FUT4: variants seen among roughly 807,000 people sequenced by gnomAD.
FUT4 encodes the protein fucosyltransferase 4.
A neutral mutation model predicts 3.8 loss-of-function variants in FUT4; 1 was observed. The ratio of observed to expected loss-of-function variants is 0.26; its 90% CI spans 0.09 to 1.25. FUT4 has a LOEUF of 1.25. Ranked by LOEUF, FUT4 falls within the 50% of genes most tolerant of loss-of-function variation. FUT4 has a pLI of 0.47. For missense variants in FUT4, 880 were observed against 768.2 expected (o/e 1.15, Z -1.72); for synonymous variants, 417 against 355.3 (o/e 1.17, Z -1.95).
chr11:94,545,601 C>A lies in FUT4; in HGVS notation c.1468C>A (p.Arg490=). ...CTATCGCCGCTACTTCCACTGGCGCCGGAGCTACGCTGTCCACATCACCTC... is the reference window on the plus strand; with the variant it reads ...CTATCGCCGCTACTTCCACTGGCGCAGGAGCTACGCTGTCCACATCACCTC... ...AVYRRYFHWR[R]SYAVHITSFW... Residue 490 remains arginine, a synonymous_variant, in exon 1 of 1, where the codon CGG becomes AGG. Coordinates refer to ENST00000358752, the MANE Select transcript of FUT4 (RefSeq NM_002033.4). The A allele has an allele frequency of 6.2e-7, 1 of 1,613,494 alleles. No homozygotes were observed. The highest frequency in any genetic ancestry group is 8.5e-7 in the Non-Finnish European group (1 of 1,180,050).
Position 94,544,747 on chromosome 11 carries a change from C to G in FUT4, c.614C>G (p.Pro205Arg), listed in dbSNP as rs1244316725. The G allele has an allele frequency of 3.2e-6, 5 of 1,563,298 alleles. No homozygotes were observed. Among genetic ancestry groups the G allele is most frequent in the Non-Finnish European group, 4.3e-6 (5 of 1,163,436 alleles). The change falls in exon 1 of 1, where the codon CCG becomes CGG. Residue 205 changes from proline to arginine, a missense_variant. Around this residue, in one of 3 missense-constraint regions of FUT4, gnomAD observed 447 missense variants for 339.5 expected, o/e 1.32. Coordinates refer to ENST00000358752, the MANE Select transcript of FUT4 (RefSeq NM_002033.4). ...WEPFGGRDSAPRPPPDCRLRF... is the reference protein window; with the variant it reads ...WEPFGGRDSARRPPPDCRLRF... ...CCCTTCGGGGGGCGCGATAGCGCCC[C>G]GAGGCCGCCCCCTGACTGCCGGCTG...
rs903930071 is a variant in FUT4, at chr11:94,544,097, G to T, written c.-37G>T. 2.2e-6 allele frequency: 3 copies of T among 1,364,598 alleles called. No homozygotes were observed. Among genetic ancestry groups the T allele is most frequent in the African/African-American group, 1.5e-5 (1 of 65,040 alleles). 84.5% of individuals were successfully genotyped at this position (1,364,598 alleles called of 1,614,324 possible). A position where few individuals can be genotyped will look rare whatever the true frequency, so the allele number is the denominator to read the frequency against. ...CCAGGGCGGTGGGCGCGCGCAGAGG[G>T]AAACCGGATCAGTTGAGAGAGAATC... On this transcript the variant is annotated 5_prime_UTR_variant, in exon 1 of 1. Transcript: ENST00000358752.
chr11:94,548,196 GAACT>G lies in FUT4; in HGVS notation c.*2474_*2477del, dbSNP rs1947885881. Reference sequence around the variant, plus strand: ...TTTTTTTTAGTATTAAGTCCATTTAGAACTAACCATATTATTTATGGAATAATTA... The same window carrying G: ...TTTTTTTTAGTATTAAGTCCATTTAGAACCATATTATTTATGGAATAATTA... On this transcript the variant is annotated 3_prime_UTR_variant, in exon 1 of 1. Coordinates refer to ENST00000358752, the MANE Select transcript of FUT4 (RefSeq NM_002033.4). 2 of 165,244 alleles carry G rather than the reference GAACT, an allele frequency of 1.2e-5. No homozygotes were observed. Among genetic ancestry groups the G allele is most frequent in the African/African-American group, 4.9e-5 (2 of 41,070 alleles). 10.2% of individuals were successfully genotyped at this position (165,244 alleles called of 1,614,324 possible). A position where few individuals can be genotyped will look rare whatever the true frequency, so the allele number is the denominator to read the frequency against.
chr11:94,544,501 T>C lies in FUT4; in HGVS notation c.368T>C (p.Val123Ala). ...DAWRAEAALP[V>A]RAMGAPWGSP... ...TGGCGAGCGGAGGCAGCGCTGCCTGTTCGCGCCATGGGGGCACCGTGGGGC... is the reference window on the plus strand; with the variant it reads ...TGGCGAGCGGAGGCAGCGCTGCCTGCTCGCGCCATGGGGGCACCGTGGGGC... Residue 123 changes from valine (V) to alanine (A), a missense_variant, in exon 1 of 1, where the codon GTT becomes GCT. Physicochemically the swap from Val to Ala is moderately conservative, Grantham distance 64. Around this residue, in one of 3 missense-constraint regions of FUT4, gnomAD observed 447 missense variants for 339.5 expected, o/e 1.32. Transcript: ENST00000358752. 2 of 1,460,160 alleles carry C rather than the reference T, an allele frequency of 1.4e-6. No homozygotes were observed. Among genetic ancestry groups the C allele is most frequent in the East Asian group, 6.0e-5 (2 of 33,222 alleles). The allele number at this position is 1,460,160 out of a possible 1,614,324, so 90.5% of individuals were successfully genotyped here. A position where few individuals can be genotyped will look rare whatever the true frequency, so the allele number is the denominator to read the frequency against.
In FUT4 at chr11:94,548,051, TCAC is replaced by T. The variant is rs1349444350; in HGVS notation, c.*2328_*2330del. ...GAATAAATTAAAAGGATAATCTAAA[TCAC>T]CATTTAGATTAAGCTTGACTTGCAA... is the stretch of plus-strand genomic sequence containing the variant. On this transcript the variant is annotated 3_prime_UTR_variant, in exon 1 of 1. Coordinates refer to ENST00000358752, the MANE Select transcript of FUT4 (RefSeq NM_002033.4). 6.0e-6 allele frequency: 1 copy of T among 166,796 alleles called. No homozygotes were observed. The highest frequency in any genetic ancestry group is 1.5e-5 in the Non-Finnish European group (1 of 68,112). The allele number at this position is 166,796 out of a possible 1,614,324, so 10.3% of individuals were successfully genotyped here.
Position 94,545,770 on chromosome 11 carries a change from A to C in FUT4, c.*44A>C. ...GCGACCCAGGGGAGGCCAAGTTGTCAGCTTTTTGATCCTCTACTGTGCATC... is the reference window on the plus strand; with the variant it reads ...GCGACCCAGGGGAGGCCAAGTTGTCCGCTTTTTGATCCTCTACTGTGCATC... On this transcript the variant is annotated 3_prime_UTR_variant, in exon 1 of 1. Coordinates refer to ENST00000358752, the MANE Select transcript of FUT4 (RefSeq NM_002033.4). 6.4e-7 allele frequency: 1 copy of C among 1,572,820 alleles called. No homozygotes were observed. The highest frequency in any genetic ancestry group is 8.6e-7 in the Non-Finnish European group (1 of 1,159,048).
Position 94,545,451 on chromosome 11 carries a change from C to G in FUT4, c.1318C>G (p.Leu440Val). Residue 440 changes from leucine to valine, a missense_variant, in exon 1 of 1, where the codon CTG (leucine) becomes GTG (valine). Leu to Val is a conservative substitution (Grantham distance 32, BLOSUM62 1). Coordinates refer to ENST00000358752, the MANE Select transcript of FUT4 (RefSeq NM_002033.4). ...ALLAGAVPVV[L>V]GPDRANYERF... is the part of the protein sequence containing the mutation. Reference sequence around the variant, plus strand: ...GCTCGCTGGGGCGGTGCCGGTGGTGCTGGGCCCAGACCGTGCCAACTACGA... The same window carrying G: ...GCTCGCTGGGGCGGTGCCGGTGGTGGTGGGCCCAGACCGTGCCAACTACGA... 1.1e-5 allele frequency: 17 copies of G among 1,613,308 alleles called. No homozygotes were observed. The highest frequency in any genetic ancestry group is 1.4e-5 in the Non-Finnish European group (17 of 1,179,806).
Position 94,545,867 on chromosome 11 carries a change from A to T in FUT4, c.*141A>T. On this transcript the variant is annotated 3_prime_UTR_variant, in exon 1 of 1. Coordinates refer to ENST00000358752, the MANE Select transcript of FUT4 (RefSeq NM_002033.4). ...TTGCTCTATGGGAAAAAAACGATTT[A>T]CCAATTAATATTACTCAGCACAGAG... The T allele has an allele frequency of 9.6e-7, 1 of 1,040,442 alleles. No homozygotes were observed. 64.5% of individuals were successfully genotyped at this position (1,040,442 alleles called of 1,614,324 possible).
rs146378578 is a variant in FUT4, at chr11:94,545,559, G to T, written c.1426G>T (p.Asp476Tyr). The T allele has an allele frequency of 6.2e-7, 1 of 1,613,524 alleles. No individual in the cohort carries two copies. Among genetic ancestry groups the T allele is most frequent in the Non-Finnish European group, 8.5e-7 (1 of 1,180,004 alleles). The change falls in exon 1 of 1, where the codon GAC (aspartate) becomes TAC (tyrosine). Residue 476 changes from aspartate to tyrosine, a missense_variant. Physicochemically the swap from Asp to Tyr is radical, Grantham distance 160 (BLOSUM62 -3). Transcript: ENST00000358752. ...CCTGGCCTCGTACCTGCTTTTCCTC[G>T]ACCGCAACCCCGCGGTCTATCGCCG... ...SSLASYLLFLDRNPAVYRRYF... is the reference protein window; with the variant it reads ...SSLASYLLFLYRNPAVYRRYF...
In FUT4 at chr11:94,548,840, C is replaced by T. The variant is rs1489693697; in HGVS notation, c.*3114C>T. ...AATGCACCTGGAATGACATTTGTAA[C>T]AGAAGACGGTCTGACTTGCTTTCAG... On this transcript the variant is annotated 3_prime_UTR_variant, in exon 1 of 1. Transcript: ENST00000358752. 1 of 166,970 alleles carries T rather than the reference C, an allele frequency of 6.0e-6. No homozygotes were observed. The highest frequency in any genetic ancestry group is 1.5e-5 in the Non-Finnish European group (1 of 68,116). 10.3% of individuals were successfully genotyped at this position (166,970 alleles called of 1,614,324 possible).
Position 94,547,945 on chromosome 11 carries a change from C to T in FUT4, c.*2219C>T, listed in dbSNP as rs542045238. On this transcript the variant is annotated 3_prime_UTR_variant, in exon 1 of 1. Coordinates refer to ENST00000358752, the MANE Select transcript of FUT4 (RefSeq NM_002033.4). ...AGGCACCCAATTGATGATTTTATATCTTCCTTCTTTGCTTGCAGTGATTTC... is the reference window on the plus strand; with the variant it reads ...AGGCACCCAATTGATGATTTTATATTTTCCTTCTTTGCTTGCAGTGATTTC... 6 of 167,074 alleles carry T rather than the reference C, an allele frequency of 3.6e-5. No individual in the cohort carries two copies. The highest frequency in any genetic ancestry group is 2.1e-4 in the South Asian group (1 of 4,822). 10.3% of individuals were successfully genotyped at this position (167,074 alleles called of 1,614,324 possible). A position where few individuals can be genotyped will look rare whatever the true frequency, so the allele number is the denominator to read the frequency against.
Position 94,545,025 on chromosome 11 carries a change from G to T in FUT4, c.892G>T (p.Glu298Ter). The T allele has an allele frequency of 6.2e-7, 1 of 1,609,986 alleles. No individual in the cohort carries two copies. Among genetic ancestry groups the T allele is most frequent in the Non-Finnish European group, 8.5e-7 (1 of 1,178,034 alleles). The change falls in exon 1 of 1, where the codon GAG (glutamate) becomes TAG (stop). Residue 298 changes from glutamate to a stop codon, truncating the protein, a stop_gained. Coordinates refer to ENST00000358752, the MANE Select transcript of FUT4 (RefSeq NM_002033.4). LOFTEE classifies it low-confidence loss of function (END_TRUNC). ...CCAGCGCTGGGTTTGGATGAACTTCGAGTCGCCCTCGCACTCCCCGGGGCT... is the reference window on the plus strand; with the variant it reads ...CCAGCGCTGGGTTTGGATGAACTTCTAGTCGCCCTCGCACTCCCCGGGGCT... ...PGQRWVWMNF[E>*]SPSHSPGLRS...
Position 94,545,692 on chromosome 11 carries a change from G to A in FUT4, c.1559G>A (p.Ser520Asn), listed in dbSNP as rs745632244. The A allele has an allele frequency of 1.2e-6, 2 of 1,612,098 alleles. No homozygotes were observed. The highest frequency in any genetic ancestry group is 1.7e-6 in the Non-Finnish European group (2 of 1,179,970). The change falls in exon 1 of 1, where the codon AGC (serine) becomes AAC (asparagine). Residue 520 changes from serine to asparagine, a missense_variant. Coordinates refer to ENST00000358752, the MANE Select transcript of FUT4 (RefSeq NM_002033.4). ...AVQRAGDRPK[S>N]IRNLASWFER ...CAGAGGGCTGGGGACCGGCCCAAGA[G>A]CATACGGAACTTGGCCAGCTGGTTC...
Position 94,546,039 on chromosome 11 carries a change from C to T in FUT4, c.*313C>T, listed in dbSNP as rs183192679. The T allele has an allele frequency of 1.1e-5, 5 of 448,530 alleles. No homozygotes were observed. The highest frequency in any genetic ancestry group is 1.0e-4 in the East Asian group (2 of 19,316). The allele number at this position is 448,530 out of a possible 1,614,324, so 27.8% of individuals were successfully genotyped here. On this transcript the variant is annotated 3_prime_UTR_variant, in exon 1 of 1. Coordinates refer to ENST00000358752, the MANE Select transcript of FUT4 (RefSeq NM_002033.4). ...ATGAAATAGCTTAGCGGCAAGAAGC[C>T]GTTGAGGCGGTTTCCTGAATTTCCC...
At position 94,544,229 on chromosome 11, in the gene FUT4, G is replaced by C. The variant is rs761018933; in HGVS notation, c.96G>C (p.Ser32=). Residue 32 remains serine (S), a synonymous_variant, in exon 1 of 1, where the codon TCG becomes TCC. Coordinates refer to ENST00000358752, the MANE Select transcript of FUT4 (RefSeq NM_002033.4). ...EAPQEAPGAW[S]GRLGPGRSGR... is the part of the protein sequence containing the mutation. ...CGCAGGAGGCTCCCGGGGCCTGGTC[G>C]GGCCGGCTGGGCCCCGGGCGCAGTG... is the stretch of plus-strand genomic sequence containing the variant. 3 of 1,465,802 alleles carry C rather than the reference G, an allele frequency of 2.0e-6. No individual in the cohort carries two copies. Among genetic ancestry groups the C allele is most frequent in the African/African-American group, 1.5e-5 (1 of 67,506 alleles). The allele number at this position is 1,465,802 out of a possible 1,614,324, so 90.8% of individuals were successfully genotyped here. A position where few individuals can be genotyped will look rare whatever the true frequency, so the allele number is the denominator to read the frequency against.
chr11:94,544,394 G>A lies in FUT4; in HGVS notation c.261G>A (p.Arg87=). ...CTGGGACCGCCCCCTTCCATTCCCG[G>A]GCCAGCGGCGAGCGGCAGCGACGGC... The part of the protein sequence containing the change: ...LHSGTAPFHS[R]ASGERQRRLE... The change falls in exon 1 of 1, where the codon CGG becomes CGA. Residue 87 remains arginine, a synonymous_variant. Coordinates refer to ENST00000358752, the MANE Select transcript of FUT4 (RefSeq NM_002033.4). The A allele has an allele frequency of 6.5e-7, 1 of 1,536,208 alleles. No individual in the cohort carries two copies.
rs1339072892 is a variant in FUT4, at chr11:94,545,455, G to A, written c.1322G>A (p.Gly441Asp). 3 of 1,613,354 alleles carry A rather than the reference G, an allele frequency of 1.9e-6. No homozygotes were observed. The highest frequency in any genetic ancestry group is 2.5e-6 in the Non-Finnish European group (3 of 1,179,884). ...GCTGGGGCGGTGCCGGTGGTGCTGGGCCCAGACCGTGCCAACTACGAGCGC... is the reference window on the plus strand; with the variant it reads ...GCTGGGGCGGTGCCGGTGGTGCTGGACCCAGACCGTGCCAACTACGAGCGC... ...LLAGAVPVVL[G>D]PDRANYERFV... is the part of the protein sequence containing the mutation. Residue 441 changes from glycine (G) to aspartate (D), a missense_variant, in exon 1 of 1, where the codon GGC (glycine) becomes GAC (aspartate). Transcript: ENST00000358752.
chr11:94,549,648 A>G lies in FUT4; in HGVS notation c.*3922A>G, dbSNP rs1289012982. The G allele has an allele frequency of 6.0e-6, 1 of 166,390 alleles. No homozygotes were observed. The highest frequency in any genetic ancestry group is 6.6e-5 in the Admixed American group (1 of 15,216). 10.3% of individuals were successfully genotyped at this position (166,390 alleles called of 1,614,324 possible). A position where few individuals can be genotyped will look rare whatever the true frequency, so the allele number is the denominator to read the frequency against. On this transcript the variant is annotated 3_prime_UTR_variant, in exon 1 of 1. Transcript: ENST00000358752. ...AAGAAAATATAATTTAACTTTAAAG[A>G]TGTAAATTATATATATAGTATATTA...
In FUT4 at chr11:94,544,853, C is replaced by T; in HGVS notation, c.720C>T (p.Arg240=). 1.2e-6 allele frequency: 2 copies of T among 1,607,396 alleles called. No homozygotes were observed. Among genetic ancestry groups the T allele is most frequent in the Non-Finnish European group, 1.7e-6 (2 of 1,179,540 alleles). The change falls in exon 1 of 1, where the codon CGC becomes CGT. Residue 240 remains arginine, a synonymous_variant. Transcript: ENST00000358752. Reference sequence around the variant, plus strand: ...CTCAGGCCGTGCTTTTCCACCACCGCGACCTCGTGAAGGGGCCCCCCGACT... The same window carrying T: ...CTCAGGCCGTGCTTTTCCACCACCGTGACCTCGTGAAGGGGCCCCCCGACT... ...GEAQAVLFHH[R]DLVKGPPDWP...
Sources: gnomAD v4.1 joint callset for allele counts on GRCh38, gnomAD v4.1.1 for gene constraint, gnomAD v4.1.1 regional missense constraint, MANE v1.5 for transcripts, NCBI Gene and HGNC (gene_info 2026-07-23, HGNC 2026-07-21) for gene names.